The following ANKRD30B variants were observed in gnomAD, a reference collection of about 807,000 sequenced individuals.
The protein encoded by ANKRD30B is ankyrin repeat domain 30B.
ANKRD30B carries 144 observed loss-of-function variants against 202.2 expected under a neutral mutation model. That is an observed-to-expected ratio of 0.71 (90% confidence interval 0.62 to 0.82). ANKRD30B has a LOEUF of 0.82. Among genes scored for constraint, ANKRD30B ranks in the 40% least tolerant of loss-of-function variants. The pLI, the probability that ANKRD30B is intolerant of heterozygous loss-of-function variation, is 0.00. For synonymous variants in ANKRD30B, 508 were observed against 561.3 expected (o/e 0.91, Z 1.34); for missense variants, 1,487 against 1,669.1 (o/e 0.89, Z 1.90).
intron 39 of ANKRD30B, among the ~76,000 whole-genome samples, chr18:14,843,553 C>CTGTGTGTGTGTGTGTGTGTG (rs56044501): frequency 3.4e-5 from 5 of 145,270 alleles, no homozygotes; most frequent in Non-Finnish European, 3.0e-5. Context: ...AGCTTACTTT[C>CTGTGTGTGTGTGTGTGTGTG]TGTGTGTGTG....
At chr18:14,940,015 C>T in the ANKRD30B span, among the ~76,000 whole-genome samples, 1 of 152,206 alleles carries the variant, frequency 6.6e-6, no homozygotes, top group Non-Finnish European at 1.5e-5. Context: ...ATATAGAAAG[C>T]CGACATCGTT....
At chr18:14,772,398 T>G (rs542301435) in intron 9 of ANKRD30B, among the ~76,000 whole-genome samples, 170 bp downstream of exon 9, 122 of 142,766 alleles carry the variant, frequency 8.5e-4, no homozygotes, top group South Asian at 6.8e-3. Context: ...TTTTTTTTTT[T>G]ACTTTAGTAA....
the ANKRD30B span, among the ~76,000 whole-genome samples, chr18:14,883,323 C>G: frequency 6.8e-6 from 1 of 147,840 alleles, no homozygotes; most frequent in Non-Finnish European, 1.5e-5. Context: ...CTAGGTGTCT[C>G]TCTCTCTCTC....
the ANKRD30B span, among the ~76,000 whole-genome samples, chr18:14,859,974 G>A: frequency 7.4e-6 from 1 of 134,578 alleles, no homozygotes; most frequent in East Asian, 2.4e-4. Flanking sequence ...GGGGCGACCG[G>A]GAAGAGGCGC....
the ANKRD30B span, among the ~76,000 whole-genome samples, chr18:14,927,437 A>G: frequency 6.6e-6 from 1 of 152,222 alleles, no homozygotes. Context: ...CATCCTGCAC[A>G]TACTGAGCAT....
intron 6 of ANKRD30B, among the ~76,000 whole-genome samples, chr18:14,762,486 C>T (rs1304432672): frequency 6.6e-6 from 1 of 152,128 alleles, no homozygotes; most frequent in African/African-American, 2.4e-5. Flanking sequence ...GGTTATGTTA[C>T]GTAGTCTTGT....
the ANKRD30B span, among the ~76,000 whole-genome samples, chr18:14,898,555 C>T: frequency 1.3e-5 from 2 of 152,128 alleles, no homozygotes; most frequent in South Asian, 2.1e-4. Context: ...GGACTCCTGC[C>T]GCAAACTGGT....
intron 9 of ANKRD30B, among the ~76,000 whole-genome samples, chr18:14,774,097 T>C (rs1967198894): frequency 6.6e-6 from 1 of 152,198 alleles, no homozygotes; most frequent in South Asian, 2.1e-4. Context: ...TTCCCGCTTT[T>C]AGGTATTGGC....
At chr18:14,898,005 C>A in the ANKRD30B span, among the ~76,000 whole-genome samples, 3 of 152,114 alleles carry the variant, frequency 2.0e-5, no homozygotes, top group Admixed American at 2.0e-4. Context: ...TTCTTCTATT[C>A]CTAATTCTCA....
At chr18:14,785,722 C>T (rs1258357311) in intron 14 of ANKRD30B, among the ~76,000 whole-genome samples, 1 of 152,034 alleles carries the variant, frequency 6.6e-6, no homozygotes, top group Non-Finnish European at 1.5e-5. Context: ...GTTTCTTGGA[C>T]CCTCTGCATG....
At chr18:14,760,499 T>C (rs1412130058) in intron 5 of ANKRD30B, 55 bp from the exon 6 acceptor site, 3 of 1,008,134 alleles carry the variant, frequency 3.0e-6, no homozygotes, top group South Asian at 1.6e-5. Flanking sequence ...ATTTGGTAAA[T>C]GTTTTTTATA....
chr18:14,846,103 C>T (rs139073355), intron 39 of ANKRD30B, among the ~76,000 whole-genome samples: 337 of 150,490 alleles, frequency 2.2e-3, no homozygotes, highest in African/African-American at 7.8e-3. Context: ...AGGTAAAAGT[C>T]GAAGTTATTT....
chr18:14,791,505 T>C lies in ANKRD30B; in HGVS notation c.1825+14T>C. ...GAAAATTAGAAGGTAAGAACCATTT[T>C]TTAATTAAAAAGTCATTTGACCAAA... On this transcript the variant is annotated intron_variant, in intron 16 of 43. Coordinates refer to ENST00000690538, the MANE Select transcript of ANKRD30B (RefSeq NM_001367607.2). 1 of 1,590,242 alleles carries C rather than the reference T, an allele frequency of 6.3e-7. No individual in the cohort carries two copies. Among genetic ancestry groups the C allele is most frequent in the Non-Finnish European group, 8.6e-7 (1 of 1,166,986 alleles).
At chr18:14,912,918 G>A in the ANKRD30B span, among the ~76,000 whole-genome samples, 5 of 152,240 alleles carry the variant, frequency 3.3e-5, no homozygotes, top group African/African-American at 4.8e-5. Context: ...TGAGCTGAGT[G>A]CTGGGAGTTT....
chr18:14,816,210 C>T (rs9303869), intron 30 of ANKRD30B: 77,193 of 152,078 alleles, frequency 0.51, 19,795 homozygotes, highest in Non-Finnish European at 0.53. Flanking sequence ...TTCAGGATCA[C>T]TTATCTCCTC....
At chr18:14,754,392 A>G (rs1349495203) in intron 3 of ANKRD30B, among the ~76,000 whole-genome samples, 3 of 152,206 alleles carry the variant, frequency 2.0e-5, no homozygotes, top group Non-Finnish European at 2.9e-5. Context: ...CATTTATTGA[A>G]TAATGGACAT....
At chr18:14,911,183 A>G in the ANKRD30B span, among the ~76,000 whole-genome samples, 1 of 152,002 alleles carries the variant, frequency 6.6e-6, no homozygotes, top group Non-Finnish European at 1.5e-5. Context: ...ACTTAGTCAT[A>G]CATTTTTTTT....
At chr18:14,887,399 A>G in the ANKRD30B span, among the ~76,000 whole-genome samples, 1 of 152,176 alleles carries the variant, frequency 6.6e-6, no homozygotes, top group Non-Finnish European at 1.5e-5. Context: ...CTAAAATATG[A>G]TACTTTTCTA....
chr18:14,809,536 C>T (rs1598655841), intron 26 of ANKRD30B, among the ~76,000 whole-genome samples: 1 of 150,658 alleles, frequency 6.6e-6, no homozygotes, highest in Admixed American at 6.6e-5. Context: ...TGGACAGGCA[C>T]CCCCCATGCA....
Sources: gnomAD v4.1 joint callset for allele counts (sites outside exome capture counted in the v4.1 genomes callset) on GRCh38, gnomAD v4.1.1 for gene constraint, MANE v1.5 for transcripts, NCBI Gene and HGNC (gene_info 2026-07-23, HGNC 2026-07-21) for gene names.